FAM76A: variants seen among roughly 807,000 people sequenced by gnomAD.
The protein encoded by FAM76A is protein FAM76A.
In FAM76A, 32 loss-of-function variants were observed where a neutral mutation model predicts 46.2. The observed-to-expected ratio is 0.69, with a 90% CI of 0.52 to 0.93. The LOEUF (loss-of-function observed/expected upper bound fraction) is 0.93, where lower values mean the gene tolerates loss of function less well. Ranked by LOEUF, FAM76A falls within the 40% of genes least tolerant of loss-of-function variation. The pLI, the probability that FAM76A is intolerant of heterozygous loss-of-function variation, is 0.00. For synonymous variants in FAM76A, 137 were observed against 127.0 expected, an observed-to-expected ratio of 1.08 and a Z score of -0.53; for missense variants, 274 against 361.5, an observed-to-expected ratio of 0.76 and a Z score of 1.96.
At chr1:27,727,831 G>A (rs1206366077) in intron 2 of FAM76A, among the ~76,000 whole-genome samples, 1 of 127,744 alleles carries the variant, frequency 7.8e-6, no homozygotes, top group Non-Finnish European at 1.6e-5. Context: ...TTTTTGAGAT[G>A]GAGTCTCACT....
intron 3 of FAM76A, 50 bp from the exon 4 acceptor site, chr1:27,733,981 T>C (rs1219931256): frequency 6.5e-7 from 1 of 1,547,010 alleles, no homozygotes. Context: ...TTAAATGCAG[T>C]GGTATTTTAT....
chr1:27,736,945 TTTGTTG>T (rs1357521359), intron 4 of FAM76A, among the ~76,000 whole-genome samples: 1 of 151,186 alleles, frequency 6.6e-6, no homozygotes, highest in Non-Finnish European at 1.5e-5. Context: ...TTTATTTCTT[TTTGTTG>T]TTGTTGTTGT....
In FAM76A at chr1:27,726,027, C is replaced by T; in HGVS notation, c.-54C>T. The T allele has an allele frequency of 8.0e-7, 1 of 1,243,132 alleles. No homozygotes were observed. Among genetic ancestry groups the T allele is most frequent in the African/African-American group, 1.6e-5 (1 of 64,064 alleles). 77.0% of individuals were successfully genotyped at this position (1,243,132 alleles called of 1,614,324 possible). A position where few individuals can be genotyped will look rare whatever the true frequency, so the allele number is the denominator to read the frequency against. On this transcript the variant is annotated 5_prime_UTR_variant, in exon 1 of 9. Transcript: ENST00000373954. ...GCCGCCGGGTTGTGCCTCAGACTGT[C>T]AGATAAATCGGCGGGCCGGGCCGGC...
chr1:27,755,361 A>C (rs2088392997), intron 7 of FAM76A, 31 bp downstream of exon 7: 2 of 1,612,502 alleles, frequency 1.2e-6, no homozygotes, highest in African/African-American at 2.7e-5. Context: ...CTCTGACCAG[A>C]ATGATGCGAG....
Position 27,726,075 on chromosome 1 carries a change from C to T in FAM76A, c.-6C>T. ...GGCGGGTCGGTGAGCGCGGCCCGGG[C>T]CGGACATGGCGGCGCTCTACGCCTG... On this transcript the variant is annotated 5_prime_UTR_variant, in exon 1 of 9. Coordinates refer to ENST00000373954, the MANE Select transcript of FAM76A (RefSeq NM_152660.3). The T allele has an allele frequency of 8.0e-7, 1 of 1,244,710 alleles. No homozygotes were observed. 77.1% of individuals were successfully genotyped at this position (1,244,710 alleles called of 1,614,324 possible). A position where few individuals can be genotyped will look rare whatever the true frequency, so the allele number is the denominator to read the frequency against.
In FAM76A at chr1:27,738,528, C is replaced by T. The variant is rs191369125; in HGVS notation, c.354+4345C>T. ...AATAATAATAAACAGACTTTCAGGT[C>T]GTATCCCATAACCGTGAAATGAACC... On this transcript the variant is annotated intron_variant, in intron 4 of 8. Coordinates refer to ENST00000373954, the MANE Select transcript of FAM76A (RefSeq NM_152660.3). Among the ~76,000 whole-genome samples the T allele has an allele frequency of 3.5e-3, 530 of 151,910 alleles. 3 individuals carry two copies. Among genetic ancestry groups the T allele is most frequent in the Non-Finnish European group, 3.7e-3 (249 of 67,978 alleles).
At position 27,733,946 on chromosome 1, in the gene FAM76A, C is replaced by T. The variant is rs1236915134; in HGVS notation, c.202-85C>T. 3.7e-6 allele frequency: 5 copies of T among 1,355,408 alleles called. No individual in the cohort carries two copies. The African/African-American group carries it at 4.5e-5, about 12-fold the overall frequency. The allele number at this position is 1,355,408 out of a possible 1,614,324, so 84.0% of individuals were successfully genotyped here. ...ATACATTTGTACCATGACTAATGAA[C>T]TACAAAGTAGGAATTATTGCTTTTT... On this transcript the variant is annotated intron_variant, in intron 3 of 8. Coordinates refer to ENST00000373954, the MANE Select transcript of FAM76A (RefSeq NM_152660.3).
intron 4 of FAM76A, among the ~76,000 whole-genome samples, chr1:27,744,130 AATTT>A (rs978662145): frequency 4.0e-5 from 6 of 151,858 alleles, no homozygotes; most frequent in African/African-American, 1.5e-4. Context: ...TATTTAATTT[AATTT>A]ATTTATTTAT....
rs538278192 is a variant in FAM76A, at chr1:27,728,488, G to C, written c.146+952G>C. ...CCACCTCAGCCTACCAAGTAACTGGGACCACAGGTGTGTGCCACCACGCCC... is the reference window on the plus strand; with the variant it reads ...CCACCTCAGCCTACCAAGTAACTGGCACCACAGGTGTGTGCCACCACGCCC... On this transcript the variant is annotated intron_variant, in intron 2 of 8. Coordinates refer to ENST00000373954, the MANE Select transcript of FAM76A (RefSeq NM_152660.3). Among the ~76,000 whole-genome samples the C allele has an allele frequency of 2.0e-5, 3 of 152,190 alleles. 1 individual carries two copies. The South Asian group carries it at 6.2e-4, about 32-fold the overall frequency.
intron 7 of FAM76A, among the ~76,000 whole-genome samples, chr1:27,756,960 A>G (rs1477355610): frequency 5.3e-5 from 8 of 151,716 alleles, no homozygotes; most frequent in Non-Finnish European, 1.0e-4. Context: ...TTGGGAGGCT[A>G]AGGTGGGAGG....
chr1:27,760,567 A>G lies in FAM76A; in HGVS notation c.910A>G (p.Ile304Val), dbSNP rs1320850424. The change falls in exon 9 of 9, where the codon ATA (isoleucine) becomes GTA (valine). Residue 304 changes from isoleucine (I) to valine (V), a missense_variant. Physicochemically the swap from Ile to Val is conservative, Grantham distance 29 (BLOSUM62 3). Coordinates refer to ENST00000373954, the MANE Select transcript of FAM76A (RefSeq NM_152660.3). ...CAAGAAGTCAGAGAAGTCAGGAGCT[A>G]TAACCTCTCCATGACAGACCTCAAG... The part of the protein sequence containing the change: ...KSKKSEKSGA[I>V]TSP The G allele has an allele frequency of 2.5e-6, 4 of 1,611,844 alleles. No homozygotes were observed. The African/African-American group carries it at 4.0e-5, about 16-fold the overall frequency.
Position 27,760,631 on chromosome 1 carries a change from T to A in FAM76A, c.*50T>A. On this transcript the variant is annotated 3_prime_UTR_variant, in exon 9 of 9. Transcript: ENST00000373954. ...AACAGCAAATGGAGTTGTCCAGGGT[T>A]AGGGTTGGAGACCTGGCTGTTCTGT... The A allele has an allele frequency of 7.0e-7, 1 of 1,422,224 alleles. No individual in the cohort carries two copies. The highest frequency in any genetic ancestry group is 9.7e-7 in the Non-Finnish European group (1 of 1,028,198). 88.1% of individuals were successfully genotyped at this position (1,422,224 alleles called of 1,614,324 possible). A position where few individuals can be genotyped will look rare whatever the true frequency, so the allele number is the denominator to read the frequency against.
chr1:27,755,234 C>G lies in FAM76A; in HGVS notation c.639C>G (p.Asp213Glu). ...TGGCTCTGGACTCACCAGGCACTGACCACTTTGTCATCATTGCCCAACTGA... is the reference window on the plus strand; with the variant it reads ...TGGCTCTGGACTCACCAGGCACTGAGCACTTTGTCATCATTGCCCAACTGA... ...PDLALDSPGTDHFVIIAQLKE... is the reference protein window; with the variant it reads ...PDLALDSPGTEHFVIIAQLKE... The change falls in exon 7 of 9, where the codon GAC (aspartate) becomes GAG (glutamate). Residue 213 changes from aspartate (D) to glutamate (E), a missense_variant. Asp to Glu is a conservative substitution (Grantham distance 45, BLOSUM62 2). Transcript: ENST00000373954. The G allele has an allele frequency of 6.8e-6, 11 of 1,614,138 alleles. No individual in the cohort carries two copies. Among genetic ancestry groups the G allele is most frequent in the Non-Finnish European group, 9.3e-6 (11 of 1,179,998 alleles).
At position 27,734,019 on chromosome 1, in the gene FAM76A, T is replaced by C. The variant is rs1557775916; in HGVS notation, c.202-12T>C. 1 of 1,599,184 alleles carries C rather than the reference T, an allele frequency of 6.3e-7. No individual in the cohort carries two copies. Among genetic ancestry groups the C allele is most frequent in the Admixed American group, 1.8e-5 (1 of 54,674 alleles). On this transcript the variant is annotated splice_polypyrimidine_tract_variant and intron_variant, in intron 3 of 8. Transcript: ENST00000373954. ...AAGTAATACTTACTTGACTCTTTTTTCCCCTTTTAAGCCCAAACCTTGTCA... is the reference window on the plus strand; with the variant it reads ...AAGTAATACTTACTTGACTCTTTTTCCCCCTTTTAAGCCCAAACCTTGTCA...
At chr1:27,756,866 C>T (rs2088418115) in intron 7 of FAM76A, among the ~76,000 whole-genome samples, 1 of 151,882 alleles carries the variant, frequency 6.6e-6, no homozygotes, top group Admixed American at 6.6e-5. Context: ...TCAAGACCAG[C>T]CTGGGCCATT....
At chr1:27,736,918 C>T (rs1368876276) in intron 4 of FAM76A, among the ~76,000 whole-genome samples, 1 of 151,860 alleles carries the variant, frequency 6.6e-6, no homozygotes, top group African/African-American at 2.4e-5. Flanking sequence ...TGAGCCACCA[C>T]GTCTGGCCAG....
At chr1:27,738,633 C>G (rs907857201) in intron 4 of FAM76A, among the ~76,000 whole-genome samples, 1 of 152,108 alleles carries the variant, frequency 6.6e-6, no homozygotes, top group African/African-American at 2.4e-5. Flanking sequence ...AGACACTGTT[C>G]CAGGTATTAG....
rs2088006170 is a variant in FAM76A, at chr1:27,734,188, ATC to A, written c.354+9_354+10del. On this transcript the variant is annotated splice_donor_region_variant and intron_variant, in intron 4 of 8. Coordinates refer to ENST00000373954, the MANE Select transcript of FAM76A (RefSeq NM_152660.3). ...AGGAAAGATGATAGAAAGAAGGTAA[ATC>A]TCTGTTTTTCTTGATTTCTTTTTTT... is the stretch of plus-strand genomic sequence containing the variant. The A allele has an allele frequency of 1.3e-6, 2 of 1,564,678 alleles. No individual in the cohort carries two copies. Among genetic ancestry groups the A allele is most frequent in the Non-Finnish European group, 1.7e-6 (2 of 1,160,872 alleles).
At chr1:27,752,724 C>T (rs369708726) in intron 6 of FAM76A, among the ~76,000 whole-genome samples, 6 of 152,188 alleles carry the variant, frequency 3.9e-5, no homozygotes, top group Non-Finnish European at 5.9e-5. Flanking sequence ...TCTTACAGTA[C>T]GAGCTTTTGT....
Sources: gnomAD v4.1 joint callset for allele counts (sites outside exome capture counted in the v4.1 genomes callset) on GRCh38, gnomAD v4.1.1 for gene constraint, MANE v1.5 for transcripts, NCBI Gene and HGNC (gene_info 2026-07-23, HGNC 2026-07-21) for gene names.